The following B3GALT1 variants were observed in gnomAD, a reference collection of about 807,000 sequenced individuals.
The protein encoded by B3GALT1 is UDP-Gal:betaGlcNAc beta 1,3-galactosyltransferase, polypeptide 1.
Under a neutral mutation model 23.2 loss-of-function variants are expected in B3GALT1, and 10 were observed. The ratio of observed to expected loss-of-function variants is 0.43; its 90% CI spans 0.27 to 0.73. The LOEUF is 0.73. Among genes scored for constraint, B3GALT1 ranks in the 30% least tolerant of loss-of-function variants. The pLI is 0.21. For synonymous variants in B3GALT1, 156 were observed against 141.5 expected, an observed-to-expected ratio of 1.10 and a Z score of -0.73; for missense variants, 299 against 405.4, an observed-to-expected ratio of 0.74 and a Z score of 2.25.
At chr2:167,513,317 A>G (rs373816227) in intron 2 of B3GALT1, among the ~76,000 whole-genome samples, 45 of 152,278 alleles carry the variant, frequency 3.0e-4, no homozygotes, top group East Asian at 1.9e-3. Flanking sequence ...TCGATTTCCA[A>G]TTGTACTTTT....
At chr2:167,530,219 C>T (rs371568394) in intron 2 of B3GALT1, among the ~76,000 whole-genome samples, 2 of 152,222 alleles carry the variant, frequency 1.3e-5, no homozygotes, top group Non-Finnish European at 2.9e-5. Context: ...GATTCTACCC[C>T]CTATTGGCCA....
chr2:167,623,008 C>A (rs1024129183), intron 2 of B3GALT1, among the ~76,000 whole-genome samples: 5 of 151,742 alleles, frequency 3.3e-5, no homozygotes, highest in African/African-American at 1.2e-4. Flanking sequence ...AGCATTCTTT[C>A]CACTAGAAAA....
intron 3 of B3GALT1, among the ~76,000 whole-genome samples, chr2:167,685,227 C>G (rs1686599111): frequency 6.6e-6 from 1 of 152,158 alleles, no homozygotes; most frequent in Non-Finnish European, 1.5e-5. Context: ...GTGTCAAACA[C>G]AGCACTTGGC....
chr2:167,806,523 A>C (rs1233927721), intron 3 of B3GALT1, among the ~76,000 whole-genome samples: 1 of 152,198 alleles, frequency 6.6e-6, no homozygotes, highest in Non-Finnish European at 1.5e-5. Flanking sequence ...AGTTTTTAGC[A>C]TGAAGGGCTG....
chr2:167,583,148 G>A (rs9789484), intron 2 of B3GALT1, among the ~76,000 whole-genome samples: 104,573 of 152,102 alleles, frequency 0.69, 38,127 homozygotes, highest in Non-Finnish European at 0.82. Flanking sequence ...CTGCAGCCCA[G>A]AGAAGCAAGA....
At chr2:167,624,581 C>T (rs1685309952) in intron 2 of B3GALT1, among the ~76,000 whole-genome samples, 1 of 152,046 alleles carries the variant, frequency 6.6e-6, no homozygotes, top group South Asian at 2.1e-4. Flanking sequence ...CAAGGTCAAA[C>T]AACTAGTTAA....
At chr2:167,561,971 C>T (rs937062485) in intron 2 of B3GALT1, among the ~76,000 whole-genome samples, 2 of 152,282 alleles carry the variant, frequency 1.3e-5, no homozygotes, top group African/African-American at 4.8e-5. Flanking sequence ...CCAGCATCAT[C>T]CTGATACCAA....
At chr2:167,749,610 T>TA (rs1006386134) in intron 3 of B3GALT1, among the ~76,000 whole-genome samples, 14 of 152,212 alleles carry the variant, frequency 9.2e-5, no homozygotes, top group African/African-American at 3.1e-4. Flanking sequence ...AATTATTGAC[T>TA]ACAGTTTGAG....
In B3GALT1 at chr2:167,413,754, G is replaced by A. The variant is rs140677895; in HGVS notation, c.-510-76423G>A. 4.8e-3 allele frequency among the ~76,000 whole-genome samples: 722 copies of A among 151,456 alleles called. 13 individuals are homozygous for A. The highest frequency in any genetic ancestry group is 0.015 in the African/African-American group (637 of 41,324). ...GTTTCCATGTCTTTTGGTTTATGTC[G>A]TTTACATATATTGTAATTGCTGTTT... On this transcript the variant is annotated intron_variant, in intron 1 of 4. Coordinates refer to ENST00000392690, the MANE Select transcript of B3GALT1 (RefSeq NM_020981.4).
chr2:167,508,593 A>G (rs1401013096), intron 2 of B3GALT1, among the ~76,000 whole-genome samples: 2 of 152,126 alleles, frequency 1.3e-5, no homozygotes, highest in Non-Finnish European at 2.9e-5. Context: ...CAGTCAATGA[A>G]TACTAAAAGT....
At chr2:167,865,313 G>A (rs926769769) in intron 4 of B3GALT1, among the ~76,000 whole-genome samples, 2 of 152,148 alleles carry the variant, frequency 1.3e-5, no homozygotes, top group Admixed American at 1.3e-4. Context: ...GGAAGCTGAG[G>A]CAGGAGAATC....
chr2:167,688,263 A>G (rs915588069), intron 3 of B3GALT1, among the ~76,000 whole-genome samples: 1 of 152,114 alleles, frequency 6.6e-6, no homozygotes, highest in Non-Finnish European at 1.5e-5. Context: ...CCATTGTCAG[A>G]CCAAAATATA....
intron 1 of B3GALT1, among the ~76,000 whole-genome samples, chr2:167,321,340 A>T (rs1696807417): frequency 6.6e-6 from 1 of 152,118 alleles, no homozygotes; most frequent in Non-Finnish European, 1.5e-5. Flanking sequence ...CATATATAAA[A>T]TTATTGGTTT....
intron 2 of B3GALT1, among the ~76,000 whole-genome samples, chr2:167,546,499 C>T (rs1683637827): frequency 6.6e-6 from 1 of 152,148 alleles, no homozygotes; most frequent in Admixed American, 6.5e-5. Context: ...AGCCCTGAGG[C>T]AAACAAAGGT....
At chr2:167,521,456 G>A (rs1198978101) in intron 2 of B3GALT1, among the ~76,000 whole-genome samples, 1 of 151,620 alleles carries the variant, frequency 6.6e-6, no homozygotes, top group Admixed American at 6.6e-5. Flanking sequence ...TTCCACTCTA[G>A]GTATGTACTT....
At chr2:167,381,377 A>G (rs1481680116) in intron 1 of B3GALT1, among the ~76,000 whole-genome samples, 1 of 152,150 alleles carries the variant, frequency 6.6e-6, no homozygotes, top group Non-Finnish European at 1.5e-5. Context: ...TTTTGTTTTC[A>G]ATGGAATTTT....
At chr2:167,320,647 C>G (rs901221949) in intron 1 of B3GALT1, among the ~76,000 whole-genome samples, 13 of 152,002 alleles carry the variant, frequency 8.6e-5, no homozygotes, top group African/African-American at 3.1e-4. Context: ...TTCATAGAAG[C>G]ATAAAAACAT....
chr2:167,716,046 G>C lies in B3GALT1; in HGVS notation c.-352+69080G>C, dbSNP rs527601100. The stretch of plus-strand genomic sequence containing the variant: ...GACCAGCCCCAAGTAGGGCCGAGCG[G>C]TAGCGCCGGGCTCCTCCATAGCGCC... On this transcript the variant is annotated intron_variant, in intron 3 of 4. Coordinates refer to ENST00000392690, the MANE Select transcript of B3GALT1 (RefSeq NM_020981.4). 1.5e-5 allele frequency: 24 copies of C among 1,600,210 alleles called. No individual in the cohort carries two copies. The African/African-American group carries it at 3.2e-4, about 21-fold the overall frequency.
At chr2:167,445,815 C>G (rs1271680427) in intron 1 of B3GALT1, among the ~76,000 whole-genome samples, 2 of 152,116 alleles carry the variant, frequency 1.3e-5, no homozygotes, top group East Asian at 3.9e-4. Context: ...GACTCTTTAT[C>G]CAATTTGCCA....
Sources: allele counts gnomAD v4.1 joint callset (sites outside exome capture counted in the v4.1 genomes callset), GRCh38; gene constraint gnomAD v4.1.1; transcripts MANE v1.5; gene names NCBI Gene and HGNC (gene_info 2026-07-23, HGNC 2026-07-21).